MYO5B: variants seen among roughly 807,000 people sequenced by gnomAD.
MYO5B encodes myosin VB, also known as unconventional myosin-Vb.
A neutral mutation model predicts 229.3 loss-of-function variants in MYO5B; 143 were observed. That is an observed-to-expected ratio of 0.62 (90% CI 0.54 to 0.72). The LOEUF is 0.72. MYO5B is among the 30% of genes least tolerant of loss of function. The pLI is 0.00. For synonymous variants in MYO5B, 918 were observed against 885.2 expected (o/e 1.04, Z -0.66); for missense variants, 2,321 against 2,331.0 (o/e 1.00, Z 0.09).
chr18:50,058,530 G>A (rs1248914439), intron 1 of MYO5B, among the ~76,000 whole-genome samples: 1 of 151,950 alleles, frequency 6.6e-6, no homozygotes, highest in East Asian at 1.9e-4. Context: ...AACACAGTAG[G>A]CCGGGCACAG....
At chr18:49,888,224 C>A (rs1440706966) in intron 22 of MYO5B, among the ~76,000 whole-genome samples, 1 of 152,110 alleles carries the variant, frequency 6.6e-6, no homozygotes, top group Non-Finnish European at 1.5e-5. Context: ...TCAGCAGCAT[C>A]CCTGGCTTCT....
chr18:50,155,447 T>C (rs2032664086), intron 1 of MYO5B, among the ~76,000 whole-genome samples: 1 of 152,222 alleles, frequency 6.6e-6, no homozygotes. Context: ...AAAGATTTCA[T>C]TCATTTCACC....
At chr18:49,848,345 A>G (rs590235) in intron 32 of MYO5B, among the ~76,000 whole-genome samples, 66,696 of 151,348 alleles carry the variant, frequency 0.44, 15,205 homozygotes, top group Middle Eastern at 0.55. Context: ...AGGACCCCAC[A>G]GAAGAGGTGG....
intron 8 of MYO5B, among the ~76,000 whole-genome samples, chr18:49,983,604 G>T (rs1051913694): frequency 6.6e-6 from 1 of 152,186 alleles, no homozygotes; most frequent in Non-Finnish European, 1.5e-5. Flanking sequence ...TTTTGTACCT[G>T]CTACTTCTGG....
intron 14 of MYO5B, among the ~76,000 whole-genome samples, chr18:49,947,454 T>G (rs1050403166): frequency 2.2e-4 from 33 of 152,184 alleles, no homozygotes; most frequent in Non-Finnish European, 4.0e-4. Context: ...AGGATCACAT[T>G]TCTGAGCGAA....
intron 22 of MYO5B, among the ~76,000 whole-genome samples, chr18:49,887,356 A>C (rs943526038): frequency 2.6e-5 from 4 of 152,104 alleles, no homozygotes; most frequent in African/African-American, 9.7e-5. Context: ...TGATCTTCTC[A>C]GGTGACCTAC....
intron 34 of MYO5B, among the ~76,000 whole-genome samples, chr18:49,842,367 G>A (rs980107433): frequency 1.3e-5 from 2 of 152,168 alleles, no homozygotes; most frequent in African/African-American, 4.8e-5. Flanking sequence ...AGCTACTGAG[G>A]GCAGGAAACC....
intron 31 of MYO5B, among the ~76,000 whole-genome samples, chr18:49,852,283 G>C (rs1158091308): frequency 6.6e-6 from 1 of 152,248 alleles, no homozygotes; most frequent in Non-Finnish European, 1.5e-5. Context: ...AGGGAACATA[G>C]GCCACCAAAT....
At chr18:49,863,115 T>A in intron 29 of MYO5B, 112 bp downstream of exon 29, 1 of 828,474 alleles carries the variant, frequency 1.2e-6, no homozygotes, top group Non-Finnish European at 2.1e-6. Flanking sequence ...TAATAAATAA[T>A]TCTCTGATGC....
At chr18:50,152,632 A>G (rs1444059901) in intron 1 of MYO5B, among the ~76,000 whole-genome samples, 1 of 152,218 alleles carries the variant, frequency 6.6e-6, no homozygotes, top group Non-Finnish European at 1.5e-5. Context: ...ACATGAGAGC[A>G]GGTAATCAAT....
chr18:50,061,465 T>C (rs1472551404), intron 1 of MYO5B, among the ~76,000 whole-genome samples: 1 of 152,222 alleles, frequency 6.6e-6, no homozygotes, highest in Non-Finnish European at 1.5e-5. Context: ...AGGTGGTCCA[T>C]GTTACTGGGA....
At chr18:50,026,953 C>T (rs2026337254) in intron 4 of MYO5B, among the ~76,000 whole-genome samples, 1 of 152,140 alleles carries the variant, frequency 6.6e-6, no homozygotes, top group African/African-American at 2.4e-5. Context: ...CGTTACTGTC[C>T]CTGGACACTC....
intron 1 of MYO5B, among the ~76,000 whole-genome samples, chr18:50,153,642 G>A (rs2144308202): frequency 6.6e-6 from 1 of 152,254 alleles, no homozygotes; most frequent in East Asian, 1.9e-4. Context: ...TAGAGACAGG[G>A]TTTCGCCATG....
At chr18:49,964,591 T>C (rs1478978823) in intron 10 of MYO5B, among the ~76,000 whole-genome samples, 1 of 152,186 alleles carries the variant, frequency 6.6e-6, no homozygotes, top group African/African-American at 2.4e-5. Context: ...GTCAACTGTG[T>C]AATGTTAGCT....
chr18:49,907,927 A>C (rs577898729), intron 18 of MYO5B, among the ~76,000 whole-genome samples: 20 of 152,318 alleles, frequency 1.3e-4, no homozygotes, highest in African/African-American at 4.8e-4. Context: ...CAGGGGCTGG[A>C]TGGGACTTGG....
At chr18:50,079,184 T>C (rs1282924494) in intron 1 of MYO5B, among the ~76,000 whole-genome samples, 2 of 152,256 alleles carry the variant, frequency 1.3e-5, no homozygotes, top group African/African-American at 4.8e-5. Context: ...TACATTAAGT[T>C]AGATATACAC....
chr18:50,047,978 T>C (rs891421200), intron 2 of MYO5B, among the ~76,000 whole-genome samples: 3 of 150,552 alleles, frequency 2.0e-5, no homozygotes, highest in African/African-American at 7.3e-5. Context: ...TTAGGAGATA[T>C]ACCTAATGTA....
chr18:49,890,285 A>G (rs2024694935), intron 22 of MYO5B, among the ~76,000 whole-genome samples: 1 of 152,230 alleles, frequency 6.6e-6, no homozygotes, highest in Non-Finnish European at 1.5e-5. Context: ...CTTTAACAAC[A>G]TAAAACAGGT....
Position 49,906,447 on chromosome 18 carries a change from T to C in MYO5B, c.2386A>G (p.Arg796Gly). ...CGGGCCAGGTGTCCCCGGCAGTACC[T>C]CTGCAGGGTTAAGGTAGCCCCCTTC... is the stretch of plus-strand genomic sequence containing the variant. ...RLKGATLTLQRYCRGHLARRL... is the reference protein window; with the variant it reads ...RLKGATLTLQGYCRGHLARRL... The change falls in exon 19 of 40, where the codon AGG becomes GGG. Residue 796 changes from arginine to glycine, a missense_variant. Around this residue, in one of 2 missense-constraint regions of MYO5B, gnomAD observed 2,113 missense variants for 2,044.7 expected, o/e 1.03. Transcript: ENST00000285039. 1 of 1,614,084 alleles carries C rather than the reference T, an allele frequency of 6.2e-7. No individual in the cohort carries two copies. Among genetic ancestry groups the C allele is most frequent in the Non-Finnish European group, 8.5e-7 (1 of 1,180,014 alleles).
Sources: allele counts gnomAD v4.1 joint callset (sites outside exome capture counted in the v4.1 genomes callset), GRCh38; gene constraint gnomAD v4.1.1; regional missense constraint gnomAD v4.1.1; transcripts MANE v1.5; gene names NCBI Gene and HGNC (gene_info 2026-07-23, HGNC 2026-07-21).